Variants in MSRA observed in about 807,000 individuals in gnomAD.
MSRA encodes methionine sulfoxide reductase A.
Under a neutral mutation model 31.3 loss-of-function variants are expected in MSRA, and 54 were observed. The ratio of observed to expected loss-of-function variants is 1.73; its 90% confidence interval spans 1.39 to 2.17. MSRA has a LOEUF of 2.17. MSRA is among the 30% of genes most tolerant of loss of function. MSRA has a pLI of 0.00. For synonymous variants in MSRA, 169 were observed against 116.5 expected (o/e 1.45, Z -2.90); for missense variants, 507 against 300.9 (o/e 1.69, Z -5.07).
chr8:10,139,762 T>C (rs1260715545), intron 1 of MSRA, among the ~76,000 whole-genome samples: 1 of 152,244 alleles, frequency 6.6e-6, no homozygotes, highest in African/African-American at 2.4e-5. Context: ...CTTTATCCAG[T>C]CATCTGGTGG....
intron 4 of MSRA, among the ~76,000 whole-genome samples, chr8:10,304,676 G>C (rs1201470536): frequency 6.6e-6 from 1 of 152,178 alleles, no homozygotes; most frequent in Admixed American, 6.5e-5. Context: ...TCTGACCACA[G>C]CTGCCTAAAT....
chr8:10,120,845 T>G (rs1400266204), intron 1 of MSRA, among the ~76,000 whole-genome samples: 1 of 152,214 alleles, frequency 6.6e-6, no homozygotes, highest in Non-Finnish European at 1.5e-5. Context: ...TATTTGGCTG[T>G]GTCTCTGTGC....
intron 3 of MSRA, among the ~76,000 whole-genome samples, chr8:10,281,933 C>T (rs952046194): frequency 2.6e-5 from 4 of 152,032 alleles, no homozygotes; most frequent in Non-Finnish European, 4.4e-5. Context: ...CAAAGAAATA[C>T]GGGGCTTACT....
intron 5 of MSRA, among the ~76,000 whole-genome samples, chr8:10,346,424 C>A (rs1377037529): frequency 2.0e-5 from 3 of 152,178 alleles, no homozygotes; most frequent in Admixed American, 2.0e-4. Context: ...GACTGTGCAT[C>A]CCATCCTGCA....
rs750187046 is a variant in MSRA at position 10,301,603 on chromosome 8, T to C, written c.401T>C (p.Leu134Pro). The change falls in exon 4 of 6, where the codon CTC becomes CCC. Residue 134 changes from leucine (L) to proline (P), a missense_variant. Physicochemically the swap from Leu to Pro is moderately conservative, Grantham distance 98. Transcript: ENST00000317173. ...GAACACATGAGTTTTGAGGAACTGC[T>C]CAAGGTCTTCTGGGAGAATCACGAC... ...QPEHMSFEELLKVFWENHDPT... is the reference protein window; with the variant it reads ...QPEHMSFEELPKVFWENHDPT... 2 of 1,614,022 alleles carry C rather than the reference T, an allele frequency of 1.2e-6. No individual in the cohort carries two copies. Among genetic ancestry groups the C allele is most frequent in the African/African-American group, 1.3e-5 (1 of 74,890 alleles).
intron 5 of MSRA, among the ~76,000 whole-genome samples, chr8:10,386,193 C>T (rs886281194): frequency 2.6e-5 from 4 of 152,162 alleles, no homozygotes; most frequent in Non-Finnish European, 5.9e-5. Context: ...TTCCAGTTTA[C>T]AAACAGAAGC....
intron 3 of MSRA, among the ~76,000 whole-genome samples, chr8:10,298,850 G>A (rs1419498051): frequency 2.0e-5 from 3 of 152,186 alleles, no homozygotes; most frequent in Non-Finnish European, 4.4e-5. Context: ...TAATGACAGA[G>A]TGAATTTTTT....
At chr8:10,059,406 C>G (rs1448506484) in intron 1 of MSRA, among the ~76,000 whole-genome samples, 2 of 152,166 alleles carry the variant, frequency 1.3e-5, no homozygotes, top group Non-Finnish European at 2.9e-5. Flanking sequence ...GTTTAAACAA[C>G]ATACATTGCT....
chr8:10,402,388 G>T (rs945844010), intron 5 of MSRA, among the ~76,000 whole-genome samples: 1 of 152,196 alleles, frequency 6.6e-6, no homozygotes, highest in African/African-American at 2.4e-5. Flanking sequence ...GTTCTTCCTC[G>T]ACAGCCAGCA....
intron 1 of MSRA, among the ~76,000 whole-genome samples, chr8:10,141,519 G>T (rs1410189753): frequency 6.6e-6 from 1 of 152,204 alleles, no homozygotes; most frequent in Non-Finnish European, 1.5e-5. Context: ...AGTTATGGCA[G>T]AGACAAAGAA....
At chr8:10,263,550 C>CT (rs1468127271) in intron 3 of MSRA, among the ~76,000 whole-genome samples, 2 of 152,194 alleles carry the variant, frequency 1.3e-5, no homozygotes, top group Non-Finnish European at 2.9e-5. Flanking sequence ...GGGAATCATT[C>CT]TTTGGCTTTG....
intron 1 of MSRA, among the ~76,000 whole-genome samples, chr8:10,090,457 A>G (rs1234925439): frequency 1.3e-5 from 2 of 152,226 alleles, no homozygotes; most frequent in Non-Finnish European, 2.9e-5. Flanking sequence ...AAGAGGCTAT[A>G]AAGGATTTTT....
chr8:10,097,881 T>G (rs1799281963), intron 1 of MSRA, among the ~76,000 whole-genome samples: 2 of 152,170 alleles, frequency 1.3e-5, no homozygotes, highest in Non-Finnish European at 2.9e-5. Flanking sequence ...ACTTAAAATT[T>G]GATAAATACT....
chr8:10,159,536 G>C (rs899167885), intron 1 of MSRA, among the ~76,000 whole-genome samples: 1 of 152,216 alleles, frequency 6.6e-6, no homozygotes, highest in Non-Finnish European at 1.5e-5. Flanking sequence ...TGGAAGTACA[G>C]TTTTTTACTC....
intron 3 of MSRA, among the ~76,000 whole-genome samples, chr8:10,298,340 G>C (rs1191463127): frequency 2.6e-5 from 4 of 152,108 alleles, no homozygotes; most frequent in African/African-American, 7.2e-5. Flanking sequence ...TGAACCTTGA[G>C]GACATTACGC....
intron 1 of MSRA, among the ~76,000 whole-genome samples, chr8:10,106,035 C>A (rs1258447145): frequency 6.6e-6 from 1 of 152,198 alleles, no homozygotes; most frequent in Non-Finnish European, 1.5e-5. Flanking sequence ...GATACTCTTT[C>A]CACAATCCTA....
chr8:10,222,766 G>T (rs570201115), intron 2 of MSRA, among the ~76,000 whole-genome samples: 1 of 152,212 alleles, frequency 6.6e-6, no homozygotes, highest in Non-Finnish European at 1.5e-5. Flanking sequence ...GATCTCACTT[G>T]TATGTGGAAT....
intron 5 of MSRA, among the ~76,000 whole-genome samples, chr8:10,422,828 T>C (rs1808893512): frequency 6.6e-6 from 1 of 152,148 alleles, no homozygotes; most frequent in South Asian, 2.1e-4. Context: ...AGAGCACCTC[T>C]TTCCAGGCTT....
intron 5 of MSRA, among the ~76,000 whole-genome samples, chr8:10,423,615 G>C (rs973180513): frequency 3.9e-5 from 6 of 152,166 alleles, no homozygotes; most frequent in African/African-American, 1.4e-4. Context: ...CCCTGCAGAA[G>C]AGCAAATGGG....
Sources: gnomAD v4.1 joint callset for allele counts (sites outside exome capture counted in the v4.1 genomes callset) on GRCh38, gnomAD v4.1.1 for gene constraint, MANE v1.5 for transcripts, NCBI Gene and HGNC (gene_info 2026-07-23, HGNC 2026-07-21) for gene names.